The following NELFB variants were observed in gnomAD, a reference collection of about 807,000 sequenced individuals.
The protein encoded by NELFB is negative elongation factor complex member B.
A neutral mutation model predicts 60.2 loss-of-function variants in NELFB; 34 were observed. The observed-to-expected ratio is 0.56, with a 90% CI of 0.43 to 0.75. The LOEUF (loss-of-function observed/expected upper bound fraction) is 0.75. NELFB is among the 30% of genes least tolerant of loss of function. The pLI is 0.00. For missense variants in NELFB, 770 were observed against 831.6 expected (o/e 0.93, Z 0.91); for synonymous variants, 459 against 382.1 (o/e 1.20, Z -2.35).
At chr9:137,260,577 C>T (rs1265847980) in intron 4 of NELFB, among the ~76,000 whole-genome samples, 3 of 150,808 alleles carry the variant, frequency 2.0e-5, no homozygotes, top group Admixed American at 6.6e-5. Flanking sequence ...CTCAACCTCC[C>T]GAGTAGCTGG....
chr9:137,262,317 C>G (rs939264231), intron 4 of NELFB, among the ~76,000 whole-genome samples: 44 of 152,322 alleles, frequency 2.9e-4, no homozygotes, highest in African/African-American at 1.0e-3. Flanking sequence ...TTCGCTACCG[C>G]TAGACCCTGG....
intron 4 of NELFB, among the ~76,000 whole-genome samples, chr9:137,261,629 GC>G (rs1830447657): frequency 6.7e-6 from 1 of 148,534 alleles, no homozygotes; most frequent in East Asian, 2.0e-4. Context: ...TTGCACTCCA[GC>G]CTGGGTGACA....
chr9:137,265,931 C>G lies in NELFB; in HGVS notation c.1095C>G (p.Ser365Arg). The G allele has an allele frequency of 6.2e-7, 1 of 1,613,182 alleles. No homozygotes were observed. The highest frequency in any genetic ancestry group is 8.5e-7 in the Non-Finnish European group (1 of 1,179,918). ...TCGCCATCAACACGCTGGCACTGAG[C>G]ACAGTCAGGCACCTGCAGGAGCTGG... is the stretch of plus-strand genomic sequence containing the variant. Residue 365 changes from serine to arginine, a missense_variant, in exon 7 of 13, where the codon AGC becomes AGG. By Grantham distance (110) the Ser-to-Arg change is moderately radical. Transcript: ENST00000343053.
intron 6 of NELFB, among the ~76,000 whole-genome samples, chr9:137,265,031 C>CT (rs60479210): frequency 0.031 from 3,899 of 126,156 alleles, 194 homozygotes; most frequent in East Asian, 0.15. Flanking sequence ...TTTTTTCTTC[C>CT]TTTTTTTTTT....
chr9:137,265,522 G>A (rs559297677), intron 6 of NELFB, among the ~76,000 whole-genome samples: 1 of 150,984 alleles, frequency 6.6e-6, no homozygotes, highest in African/African-American at 2.4e-5. Flanking sequence ...CCGAGTAGCT[G>A]GGACCACAGG....
chr9:137,267,503 T>TG (rs1830536419), intron 10 of NELFB, among the ~76,000 whole-genome samples, 157 bp downstream of exon 10: 1 of 150,160 alleles, frequency 6.7e-6, no homozygotes, highest in African/African-American at 2.4e-5. Context: ...TTTTTTTTTT[T>TG]TTTTTTTGAG....
Position 137,272,966 on chromosome 9 carries a change from G to C in NELFB, c.*38G>C, listed in dbSNP as rs543822018. On this transcript the variant is annotated 3_prime_UTR_variant, in exon 13 of 13. Transcript: ENST00000343053. ...CCTGCTCGGGTGCTGGGGCCATGCC[G>C]AGTCGCGGCCCTGCTCAGCCGGAAG... 1 of 1,472,916 alleles carries C rather than the reference G, an allele frequency of 6.8e-7. No homozygotes were observed. Among genetic ancestry groups the C allele is most frequent in the Admixed American group, 2.5e-5 (1 of 40,168 alleles). 91.2% of individuals were successfully genotyped at this position (1,472,916 alleles called of 1,614,324 possible). A position where few individuals can be genotyped will look rare whatever the true frequency, so the allele number is the denominator to read the frequency against.
intron 10 of NELFB, among the ~76,000 whole-genome samples, chr9:137,270,505 G>A (rs528654001): frequency 1.7e-3 from 258 of 152,178 alleles, no homozygotes; most frequent in African/African-American, 6.0e-3. Context: ...CAGGAGAATC[G>A]CTTGAACCCA....
chr9:137,260,330 G>A (rs1025812062), intron 4 of NELFB, among the ~76,000 whole-genome samples: 5 of 151,512 alleles, frequency 3.3e-5, no homozygotes, highest in Non-Finnish European at 5.9e-5. Context: ...GATTACGGGC[G>A]TGAGCCACTG....
At chr9:137,261,264 T>A (rs932429677) in intron 4 of NELFB, among the ~76,000 whole-genome samples, 1 of 144,130 alleles carries the variant, frequency 6.9e-6, no homozygotes, top group Non-Finnish European at 1.5e-5. Context: ...GGTGTGAACC[T>A]GGGAGGTGGA....
intron 4 of NELFB, among the ~76,000 whole-genome samples, chr9:137,257,569 C>T (rs139438712): frequency 0.094 from 13,880 of 147,920 alleles, 852 homozygotes; most frequent in East Asian, 0.29. Context: ...ATGGCGTGAT[C>T]TCGGCTCACT....
chr9:137,256,216 A>C (rs1837548152), intron 2 of NELFB, 113 bp from the exon 3 acceptor site: 1 of 1,349,216 alleles, frequency 7.4e-7, no homozygotes, highest in Admixed American at 1.8e-5. Context: ...CCCTTGACCC[A>C]TGTGTCCTGG....
intron 4 of NELFB, among the ~76,000 whole-genome samples, chr9:137,260,199 A>G (rs1588185288): frequency 6.7e-6 from 1 of 148,212 alleles, no homozygotes; most frequent in African/African-American, 2.5e-5. Context: ...ACAGGCGCCC[A>G]CCACCACGCC....
chr9:137,262,907 G>T (rs896194988), intron 4 of NELFB, 130 bp from the exon 5 acceptor site: 17 of 868,402 alleles, frequency 2.0e-5, no homozygotes, highest in African/African-American at 1.8e-4. Context: ...TGAGAGGAGG[G>T]AATGTTTTCT....
chr9:137,255,874 G>C, intron 1 of NELFB, 33 bp from the exon 2 acceptor site: 1 of 1,608,194 alleles, frequency 6.2e-7, no homozygotes, highest in South Asian at 1.1e-5. Flanking sequence ...GGGCGCACTG[G>C]GCTGCGTTTG....
rs66744887 is a variant in NELFB at position 137,265,387 on chromosome 9, CTT to C, written c.1041-472_1041-471del. ...TTAAGGACAAATTGCAAACCTTAAGCTTTTTTTTTTTTTTTTTTTGAGACAGA... is the reference window on the plus strand; with the variant it reads ...TTAAGGACAAATTGCAAACCTTAAGCTTTTTTTTTTTTTTTTTGAGACAGA... On this transcript the variant is annotated intron_variant, in intron 6 of 12. Transcript: ENST00000343053. 1.3e-3 allele frequency among the ~76,000 whole-genome samples: 119 copies of C among 91,830 alleles called. 2 individuals are homozygous for C. Among genetic ancestry groups the C allele is most frequent in the African/African-American group, 3.8e-3 (92 of 23,950 alleles). 60.2% of individuals were successfully genotyped at this position (91,830 alleles called of 152,430 possible). A position where few individuals can be genotyped will look rare whatever the true frequency, so the allele number is the denominator to read the frequency against.
chr9:137,256,666 T>C (rs1448832083), intron 3 of NELFB, among the ~76,000 whole-genome samples, 158 bp from the exon 4 acceptor site: 2 of 152,166 alleles, frequency 1.3e-5, no homozygotes, highest in African/African-American at 4.8e-5. Flanking sequence ...ATTTAGCATG[T>C]CTGTCTGACA....
rs1830561590 is a variant in NELFB, at chr9:137,269,852, G to T, written c.1490-2229G>T. 6.6e-6 allele frequency among the ~76,000 whole-genome samples: 1 copy of T among 152,242 alleles called. No homozygotes were observed. Among genetic ancestry groups the T allele is most frequent in the Non-Finnish European group, 1.5e-5 (1 of 68,048 alleles). On this transcript the variant is annotated intron_variant, in intron 10 of 12. Transcript: ENST00000343053. The surrounding 1 kb of genome is among the most constrained non-coding windows in gnomAD (Gnocchi z 5.3). ...AGGAGTGCAGCTTCTCGGAGTACGT[G>T]GCTGCCCCACGGGGTGGGATGTGCA...
intron 4 of NELFB, among the ~76,000 whole-genome samples, chr9:137,258,614 A>G (rs1220086027): frequency 2.0e-5 from 3 of 151,064 alleles, no homozygotes; most frequent in Non-Finnish European, 2.9e-5. Context: ...ATGCCTGGCT[A>G]ATTTTTTTAT....
Sources: allele counts gnomAD v4.1 joint callset (sites outside exome capture counted in the v4.1 genomes callset), GRCh38; gene constraint gnomAD v4.1.1; non-coding constraint Gnocchi (gnomAD v3.1); transcripts MANE v1.5; gene names NCBI Gene and HGNC (gene_info 2026-07-23, HGNC 2026-07-21).